Variants in TMEM237 observed in about 807,000 individuals in gnomAD.
TMEM237 encodes transmembrane protein 237.
A neutral mutation model predicts 59.1 loss-of-function variants in TMEM237; 51 were observed. The observed-to-expected ratio is 0.86, with a 90% CI of 0.69 to 1.09. The LOEUF (loss-of-function observed/expected upper bound fraction) is 1.09. Ranked by LOEUF, TMEM237 falls within the 50% of genes least tolerant of loss-of-function variation. The probability of loss-of-function intolerance (pLI) is 0.00; values close to 1 mark genes in which losing one functional copy is unlikely to be tolerated. For synonymous variants in TMEM237, 140 were observed against 166.1 expected, an observed-to-expected ratio of 0.84 and a Z score of 1.21; for missense variants, 475 against 478.3, an observed-to-expected ratio of 0.99 and a Z score of 0.06.
At position 201,640,265 on chromosome 2, in the gene TMEM237, A is replaced by G; in HGVS notation, c.75T>C (p.Ser25=). 1.3e-6 allele frequency: 2 copies of G among 1,556,136 alleles called. No homozygotes were observed. Among genetic ancestry groups the G allele is most frequent in the Non-Finnish European group, 1.7e-6 (2 of 1,162,112 alleles). The change falls in exon 3 of 13, where the codon AGT becomes AGC. Residue 25 remains serine (S), a splice_region_variant and synonymous_variant. Coordinates refer to ENST00000409883, the MANE Select transcript of TMEM237 (RefSeq NM_001044385.3). ...RPPRALPPVP[S]QDDIPLSRPK... ...ATTTACATTAAACTAACTCACCTTG[A>G]CTAACACGTCATATAACACCAAACA...
In TMEM237 at chr2:201,622,753, A is replaced by G. The variant is rs1957720083; in HGVS notation, c.*1502T>C. ...AATCCCTTTGGCCAAGTAAAGTAGT[A>G]TATTCACAAGTTCCAGGGATTAGGA... On this transcript the variant is annotated 3_prime_UTR_variant, in exon 13 of 13. Transcript: ENST00000409883. 6.6e-6 allele frequency: 1 copy of G among 152,592 alleles called. No homozygotes were observed. The highest frequency in any genetic ancestry group is 2.4e-5 in the African/African-American group (1 of 41,458). The allele number at this position is 152,592 out of a possible 1,614,324, so 9.5% of individuals were successfully genotyped here.
intron 1 of TMEM237, among the ~76,000 whole-genome samples, chr2:201,642,331 G>C (rs1687441153): frequency 6.6e-6 from 1 of 152,184 alleles, no homozygotes; most frequent in Non-Finnish European, 1.5e-5. Flanking sequence ...ATTAATGCAA[G>C]TACTACAAGA....
At position 201,635,995 on chromosome 2, in the gene TMEM237, C is replaced by T. The variant is rs1033343202; in HGVS notation, c.274+753G>A. On this transcript the variant is annotated intron_variant, in intron 5 of 12. Coordinates refer to ENST00000409883, the MANE Select transcript of TMEM237 (RefSeq NM_001044385.3). This position sits in a 1 kb window ranked among gnomAD's most constrained non-coding sequence, Gnocchi z 4.5. The stretch of plus-strand genomic sequence containing the variant: ...TCCTCCAATACATACTATTTTATAA[C>T]CTTTGTTCTTTGATTTAATAATACA... Among the ~76,000 whole-genome samples the T allele has an allele frequency of 3.3e-5, 5 of 152,072 alleles. No homozygotes were observed. Among genetic ancestry groups the T allele is most frequent in the Admixed American group, 2.0e-4 (3 of 15,272 alleles).
rs1338001359 is a variant in TMEM237, at chr2:201,622,556, C to G, written c.*1699G>C. 1.3e-5 allele frequency: 2 copies of G among 152,486 alleles called. No individual in the cohort carries two copies. Among genetic ancestry groups the G allele is most frequent in the African/African-American group, 4.8e-5 (2 of 41,462 alleles). The allele number at this position is 152,486 out of a possible 1,614,324, so 9.4% of individuals were successfully genotyped here. The stretch of plus-strand genomic sequence containing the variant: ...GGTCATCACTCTCCTTGGCTCATGG[C>G]CCCCTCTTCCATCTTCAAAGCCAGC... On this transcript the variant is annotated 3_prime_UTR_variant, in exon 13 of 13. Transcript: ENST00000409883.
Position 201,623,816 on chromosome 2 carries a change from C to T in TMEM237, c.*439G>A, listed in dbSNP as rs139374574. On this transcript the variant is annotated 3_prime_UTR_variant, in exon 13 of 13. Coordinates refer to ENST00000409883, the MANE Select transcript of TMEM237 (RefSeq NM_001044385.3). ...CTAAGCCAGTTTCAGAAAAGACAAACTTCATATTTCAATTTATTCAGTAAG... is the reference window on the plus strand; with the variant it reads ...CTAAGCCAGTTTCAGAAAAGACAAATTTCATATTTCAATTTATTCAGTAAG... 308 of 153,114 alleles carry T rather than the reference C, an allele frequency of 2.0e-3. No homozygotes were observed. The highest frequency in any genetic ancestry group is 7.2e-3 in the African/African-American group (299 of 41,556). 9.5% of individuals were successfully genotyped at this position (153,114 alleles called of 1,614,324 possible).
intron 9 of TMEM237, among the ~76,000 whole-genome samples, chr2:201,628,517 C>T (rs907115543): frequency 2.0e-5 from 3 of 152,080 alleles, no homozygotes; most frequent in South Asian, 2.1e-4. Context: ...ATATGTTGAA[C>T]TCCTAACCTG....
At chr2:201,642,426 G>C (rs1687442993) in intron 1 of TMEM237, among the ~76,000 whole-genome samples, 1 of 152,114 alleles carries the variant, frequency 6.6e-6, no homozygotes, top group African/African-American at 2.4e-5. Flanking sequence ...ACGCGCTATT[G>C]TTCTAAAGAT....
intron 6 of TMEM237, 89 bp from the exon 7 acceptor site, chr2:201,632,297 G>C (rs1484895144): frequency 7.0e-7 from 1 of 1,421,322 alleles, no homozygotes; most frequent in African/African-American, 1.4e-5. Flanking sequence ...ATAATGGAAA[G>C]GGCCCTGGAC....
intron 11 of TMEM237, among the ~76,000 whole-genome samples, chr2:201,626,735 C>T (rs985124570): frequency 6.6e-6 from 1 of 152,090 alleles, no homozygotes; most frequent in Non-Finnish European, 1.5e-5. Context: ...AACTCCCTGA[C>T]AGGGGGTAAG....
chr2:201,628,213 G>A, intron 9 of TMEM237, 64 bp from the exon 10 acceptor site: 1 of 1,200,070 alleles, frequency 8.3e-7, no homozygotes, highest in South Asian at 1.3e-5. Context: ...TTACTTTCTT[G>A]ACTATAGTTT....
rs1359082721 is a variant in TMEM237 at position 201,627,660 on chromosome 2, CTT to C, written c.944-248_944-247del. Among the ~76,000 whole-genome samples, 6 of 152,190 alleles carry C rather than the reference CTT, an allele frequency of 3.9e-5. No individual in the cohort carries two copies. The East Asian group carries it at 1.2e-3, about 29-fold the overall frequency. ...TAGAACTGACAAGAACCTAGAACAT[CTT>C]TTTAAAAGTTAAATGACTTGCTCAA... On this transcript the variant is annotated intron_variant, in intron 10 of 12. Transcript: ENST00000409883.
chr2:201,643,071 C>G lies in TMEM237; in HGVS notation c.42+288G>C. 8.8e-7 allele frequency: 1 copy of G among 1,130,294 alleles called. No homozygotes were observed. Among genetic ancestry groups the G allele is most frequent in the South Asian group, 2.0e-5 (1 of 49,472 alleles). The allele number at this position is 1,130,294 out of a possible 1,614,324, so 70.0% of individuals were successfully genotyped here. The stretch of plus-strand genomic sequence containing the variant: ...GCTGGAAGCCCCGGCACCCGCCGGG[C>G]CCCGGGCCTCAGATGAGTGAGGCGT... On this transcript the variant is annotated intron_variant, in intron 1 of 12. Coordinates refer to ENST00000409883, the MANE Select transcript of TMEM237 (RefSeq NM_001044385.3). The surrounding 1 kb of genome is among the most constrained non-coding windows in gnomAD (Gnocchi z 4.3).
intron 11 of TMEM237, among the ~76,000 whole-genome samples, chr2:201,626,836 A>T (rs376437306): frequency 6.6e-6 from 1 of 152,196 alleles, no homozygotes; most frequent in Non-Finnish European, 1.5e-5. Flanking sequence ...AATCCCAACA[A>T]TATGGGAGGC....
At chr2:201,625,382 A>AAAAG (rs1957749920) in intron 12 of TMEM237, among the ~76,000 whole-genome samples, 2 of 152,066 alleles carry the variant, frequency 1.3e-5, no homozygotes, top group African/African-American at 4.8e-5. Flanking sequence ...AAATAAAAAA[A>AAAAG]AAAAGATATT....
chr2:201,640,762 G>C, intron 2 of TMEM237, 131 bp downstream of exon 2: 2 of 737,574 alleles, frequency 2.7e-6, no homozygotes, highest in Non-Finnish European at 4.2e-6. Flanking sequence ...TAAAATTTCA[G>C]AAAATCCCTA....
intron 1 of TMEM237, chr2:201,642,634 T>C: frequency 6.2e-7 from 1 of 1,608,552 alleles, no homozygotes; most frequent in South Asian, 1.1e-5. Flanking sequence ...CATTCTGCGT[T>C]TAGCCGGCCT....
At chr2:201,639,074 A>G in intron 3 of TMEM237, 29 bp from the exon 4 acceptor site, 26 of 1,552,686 alleles carry the variant, frequency 1.7e-5, no homozygotes, top group Non-Finnish European at 2.3e-5. Context: ...CGTCAACAGA[A>G]AAGGGTGCCT....
chr2:201,642,736 G>A, intron 1 of TMEM237: 1 of 1,505,432 alleles, frequency 6.6e-7, no homozygotes, highest in Admixed American at 2.4e-5. Context: ...CGCGCCGCCT[G>A]GCTAGTACCC....
rs1687225865 is a variant in TMEM237, at chr2:201,633,575, A to T, written c.275-144T>A. ...CTATCTTACAAATTTTTAATTTTTT[A>T]AAAATGTTATACTTCTAAACTCTCA... On this transcript the variant is annotated intron_variant, in intron 5 of 12. Transcript: ENST00000409883. 5.0e-6 allele frequency: 3 copies of T among 605,704 alleles called. No homozygotes were observed. In the East Asian group the frequency reaches 1.2e-4, roughly 24 times the overall value. The allele number at this position is 605,704 out of a possible 1,614,324, so 37.5% of individuals were successfully genotyped here.
Sources: allele counts gnomAD v4.1 joint callset (sites outside exome capture counted in the v4.1 genomes callset), GRCh38; gene constraint gnomAD v4.1.1; non-coding constraint Gnocchi (gnomAD v3.1); transcripts MANE v1.5; gene names NCBI Gene and HGNC (gene_info 2026-07-23, HGNC 2026-07-21).